The following TTLL5 variants were observed in gnomAD, a reference collection of about 807,000 sequenced individuals.
TTLL5 encodes the protein tubulin tyrosine ligase like 5.
Under a neutral mutation model 168.4 loss-of-function variants are expected in TTLL5, and 132 were observed. The ratio of observed to expected loss-of-function variants is 0.78; its 90% CI spans 0.68 to 0.91. TTLL5 has a LOEUF of 0.91. Among genes scored for constraint, TTLL5 ranks in the 40% least tolerant of loss-of-function variants. TTLL5 has a pLI of 0.00. For missense variants in TTLL5, 1,545 were observed against 1,581.5 expected (o/e 0.98, Z 0.39); for synonymous variants, 546 against 558.6 (o/e 0.98, Z 0.32).
intron 17 of TTLL5, among the ~76,000 whole-genome samples, chr14:75,747,272 G>C (rs964132033): frequency 6.6e-6 from 1 of 151,752 alleles, no homozygotes; most frequent in African/African-American, 2.4e-5. Flanking sequence ...GTTTTTGTGT[G>C]TCCTTTTTCT....
intron 7 of TTLL5, among the ~76,000 whole-genome samples, chr14:75,701,540 T>C (rs1382671147): frequency 2.0e-5 from 3 of 152,214 alleles, no homozygotes; most frequent in Non-Finnish European, 4.4e-5. Context: ...AGCACTCCCC[T>C]TCCACCTTGC....
chr14:75,919,133 A>G (rs55749911), intron 31 of TTLL5, among the ~76,000 whole-genome samples: 97 of 128,172 alleles, frequency 7.6e-4, no homozygotes, highest in African/African-American at 2.7e-3. Flanking sequence ...CCAGGGAGTC[A>G]GAGGTTGCAG....
intron 7 of TTLL5, among the ~76,000 whole-genome samples, chr14:75,702,578 G>T (rs1886350864): frequency 6.6e-6 from 1 of 152,148 alleles, no homozygotes; most frequent in African/African-American, 2.4e-5. Context: ...CATCATAAAG[G>T]ATAGAAAAGT....
intron 16 of TTLL5, 60 bp from the exon 17 acceptor site, chr14:75,745,430 A>G (rs1220358912): frequency 6.5e-7 from 1 of 1,534,274 alleles, no homozygotes; most frequent in Non-Finnish European, 9.0e-7. Context: ...CCTTTGTCCT[A>G]TAGCCACATG....
At position 75,930,659 on chromosome 14, in the gene TTLL5, G is replaced by A. The variant is rs191098078; in HGVS notation, c.3824-23765G>A. ...GGTCAAGTGGGAGATAAGTGACGGG[G>A]GGAAATGCAAAAATAGGATTAGGCA... On this transcript the variant is annotated intron_variant, in intron 31 of 31. Coordinates refer to ENST00000298832, the MANE Select transcript of TTLL5 (RefSeq NM_015072.5). 1.2e-5 allele frequency: 12 copies of A among 985,234 alleles called. No individual in the cohort carries two copies. In the African/African-American group the frequency reaches 1.2e-4, roughly 10 times the overall value. The allele number at this position is 985,234 out of a possible 1,614,324, so 61.0% of individuals were successfully genotyped here. A position where few individuals can be genotyped will look rare whatever the true frequency, so the allele number is the denominator to read the frequency against.
chr14:75,774,298 C>G (rs947410851), intron 21 of TTLL5, among the ~76,000 whole-genome samples: 1 of 152,100 alleles, frequency 6.6e-6, no homozygotes, highest in Non-Finnish European at 1.5e-5. Context: ...TCCTTTGCCC[C>G]CATCTTCTGT....
chr14:75,834,659 A>G (rs1268401912), intron 28 of TTLL5, among the ~76,000 whole-genome samples: 1 of 152,200 alleles, frequency 6.6e-6, no homozygotes, highest in African/African-American at 2.4e-5. Context: ...TTAGCCTACT[A>G]CAAGAAGTCA....
At chr14:75,870,588 G>C (rs2030949142) in intron 29 of TTLL5, among the ~76,000 whole-genome samples, 1 of 152,020 alleles carries the variant, frequency 6.6e-6, no homozygotes, top group South Asian at 2.1e-4. Flanking sequence ...CACTTGTATG[G>C]GTTGTTACTA....
intron 31 of TTLL5, among the ~76,000 whole-genome samples, chr14:75,931,181 T>C (rs1208657191): frequency 6.6e-6 from 1 of 151,982 alleles, no homozygotes; most frequent in Non-Finnish European, 1.5e-5. Context: ...GTAGTACTTC[T>C]CCTGCTCACA....
intron 27 of TTLL5, among the ~76,000 whole-genome samples, chr14:75,795,931 C>T (rs1333227121): frequency 6.6e-6 from 1 of 152,088 alleles, no homozygotes. Flanking sequence ...ACTTCTTTTC[C>T]TCTGGGTAGA....
chr14:75,769,984 A>T (rs1891183041), intron 20 of TTLL5, among the ~76,000 whole-genome samples: 3 of 151,816 alleles, frequency 2.0e-5, no homozygotes, highest in Non-Finnish European at 4.4e-5. Flanking sequence ...TTTGAGACCA[A>T]CCTGATCAAC....
intron 6 of TTLL5, 53 bp from the exon 7 acceptor site, chr14:75,699,135 T>G (rs1886079260): frequency 1.3e-6 from 2 of 1,505,418 alleles, no homozygotes; most frequent in Admixed American, 3.4e-5. Flanking sequence ...TAAACTCAAG[T>G]TCATTCTTTT....
chr14:75,838,423 G>A (rs1160835567), intron 28 of TTLL5: 2 of 152,082 alleles, frequency 1.3e-5, no homozygotes, highest in Non-Finnish European at 2.9e-5. Context: ...TTAGCTGTGT[G>A]TGGTGGTGGA....
chr14:75,747,260 C>T (rs2140263710), intron 17 of TTLL5, among the ~76,000 whole-genome samples: 1 of 152,076 alleles, frequency 6.6e-6, no homozygotes, highest in South Asian at 2.1e-4. Context: ...TATTTTTCAT[C>T]AGTTTTTGTG....
chr14:75,735,062 A>G, intron 14 of TTLL5, 133 bp from the exon 15 acceptor site: 1 of 757,262 alleles, frequency 1.3e-6, no homozygotes, highest in South Asian at 1.6e-5. Flanking sequence ...GTTGTGCATT[A>G]TGCTCCTGAG....
At chr14:75,822,717 C>T (rs985013842) in intron 28 of TTLL5, among the ~76,000 whole-genome samples, 2 of 152,196 alleles carry the variant, frequency 1.3e-5, no homozygotes, top group Non-Finnish European at 2.9e-5. Context: ...TTTCATCAAA[C>T]GACCTTGTTC....
intron 28 of TTLL5, among the ~76,000 whole-genome samples, chr14:75,847,957 T>C (rs565387030): frequency 7.9e-6 from 1 of 127,260 alleles, no homozygotes; most frequent in Admixed American, 9.3e-5. Context: ...CATTTTCTTT[T>C]CTTCCCTTTG....
intron 15 of TTLL5, 131 bp downstream of exon 15, chr14:75,735,420 A>G (rs1888823058): frequency 1.3e-6 from 1 of 794,798 alleles, no homozygotes; most frequent in African/African-American, 1.7e-5. Context: ...CACTCTAGAC[A>G]GGAGGCAGTT....
intron 30 of TTLL5, among the ~76,000 whole-genome samples, chr14:75,899,413 AT>A (rs1235234297): frequency 6.6e-6 from 1 of 152,338 alleles, no homozygotes; most frequent in Non-Finnish European, 1.5e-5. Flanking sequence ...GTTGGAATAT[AT>A]TTTCCCAAGG....
Sources: allele counts gnomAD v4.1 joint callset (sites outside exome capture counted in the v4.1 genomes callset), GRCh38; gene constraint gnomAD v4.1.1; transcripts MANE v1.5; gene names NCBI Gene and HGNC (gene_info 2026-07-23, HGNC 2026-07-21).